Variants in FOXP2 observed in about 807,000 individuals in gnomAD.
FOXP2 encodes the protein forkhead box protein P2.
A neutral mutation model predicts 115.8 loss-of-function variants in FOXP2; 12 were observed. The ratio of observed to expected loss-of-function variants is 0.10; its 90% CI spans 0.07 to 0.17. The LOEUF is 0.17. Ranked by LOEUF, FOXP2 falls within the 10% of genes least tolerant of loss-of-function variation. FOXP2 has a pLI of 1.00. For synonymous variants in FOXP2, 328 were observed against 297.7 expected (o/e 1.10, Z -1.05); for missense variants, 629 against 843.5 (o/e 0.75, Z 3.15).
intron 1 of FOXP2, among the ~76,000 whole-genome samples, chr7:114,145,771 C>T (rs1427718803): frequency 1.3e-5 from 2 of 151,950 alleles, no homozygotes; most frequent in African/African-American, 2.4e-5. Flanking sequence ...TATAGAGAGA[C>T]AATAAAGTTG....
At chr7:114,216,379 A>G (rs1794485551) in intron 1 of FOXP2, among the ~76,000 whole-genome samples, 1 of 152,166 alleles carries the variant, frequency 6.6e-6, no homozygotes, top group African/African-American at 2.4e-5. Context: ...CAATATTTGT[A>G]AGTCACTGCA....
At position 114,198,317 on chromosome 7, in the gene FOXP2, A is replaced by G. The variant is rs535337095; in HGVS notation, c.-102+35229A>G. Among the ~76,000 whole-genome samples the G allele has an allele frequency of 2.6e-5, 4 of 152,282 alleles. No homozygotes were observed. In the South Asian group the frequency reaches 8.3e-4, roughly 32 times the overall value. Reference sequence around the variant, plus strand: ...AGGAGTATTGGAAGTGGTCATAGAAATCATTGAGACCATTTTCTACCTGAT... The same window carrying G: ...AGGAGTATTGGAAGTGGTCATAGAAGTCATTGAGACCATTTTCTACCTGAT... On this transcript the variant is annotated intron_variant, in intron 1 of 17. Transcript: ENST00000634411.
At chr7:114,324,055 CT>C (rs1365585744) in intron 2 of FOXP2, among the ~76,000 whole-genome samples, 3 of 151,878 alleles carry the variant, frequency 2.0e-5, no homozygotes, top group Non-Finnish European at 4.4e-5. Context: ...GATTGTGATT[CT>C]GGCCTCATCA....
intron 2 of FOXP2, among the ~76,000 whole-genome samples, chr7:114,493,767 T>G (rs977426291): frequency 3.3e-5 from 5 of 151,944 alleles, no homozygotes; most frequent in African/African-American, 4.8e-5. Flanking sequence ...AAAGCATCTT[T>G]AATAGATTTG....
intron 1 of FOXP2, among the ~76,000 whole-genome samples, chr7:114,235,910 AT>A (rs1280897884): frequency 6.6e-6 from 1 of 152,182 alleles, no homozygotes; most frequent in Non-Finnish European, 1.5e-5. Context: ...GCATTCTTTG[AT>A]TTCCAACTGG....
intron 3 of FOXP2, among the ~76,000 whole-genome samples, chr7:114,576,919 A>G (rs1290306903): frequency 1.3e-5 from 2 of 151,964 alleles, no homozygotes; most frequent in African/African-American, 2.4e-5. Context: ...TTTAGTGTAT[A>G]AATTTTCAGA....
intron 1 of FOXP2, among the ~76,000 whole-genome samples, chr7:114,155,825 G>T (rs1251329907): frequency 3.3e-5 from 5 of 152,072 alleles, no homozygotes; most frequent in African/African-American, 9.7e-5. Context: ...ATAGAAGAGG[G>T]CCAAGTGGGT....
intron 3 of FOXP2, among the ~76,000 whole-genome samples, chr7:114,615,366 A>G (rs1803880785): frequency 6.6e-6 from 1 of 152,132 alleles, no homozygotes; most frequent in Non-Finnish European, 1.5e-5. Context: ...CTCCTCATAA[A>G]TCTACAATAT....
At chr7:114,327,473 G>A (rs2690838) in intron 2 of FOXP2, among the ~76,000 whole-genome samples, 146,026 of 152,168 alleles carry the variant, frequency 0.96, 70,235 homozygotes, top group East Asian at 1. Flanking sequence ...AGGTCATACT[G>A]CATTTTTTAA....
intron 2 of FOXP2, among the ~76,000 whole-genome samples, chr7:114,530,661 T>C (rs895553917): frequency 2.6e-5 from 4 of 151,908 alleles, no homozygotes; most frequent in Non-Finnish European, 5.9e-5. Context: ...AAAGTATTTA[T>C]CTGGCAGGTT....
chr7:114,094,434 T>C (rs1253294712), intron 1 of FOXP2, among the ~76,000 whole-genome samples: 2 of 152,204 alleles, frequency 1.3e-5, no homozygotes, highest in East Asian at 3.8e-4. Flanking sequence ...CTAAACGTCT[T>C]GAGAATATGA....
At chr7:114,448,859 A>G (rs545502402) in intron 2 of FOXP2, among the ~76,000 whole-genome samples, 1 of 152,286 alleles carries the variant, frequency 6.6e-6, no homozygotes, top group South Asian at 2.1e-4. Flanking sequence ...CTTCTTTCAG[A>G]AACAGAGCAG....
chr7:114,540,225 A>C (rs537435825), intron 3 of FOXP2, among the ~76,000 whole-genome samples: 1 of 151,906 alleles, frequency 6.6e-6, no homozygotes, highest in Non-Finnish European at 1.5e-5. Flanking sequence ...TTCCCCTGCT[A>C]TAGGCTCCCA....
intron 1 of FOXP2, among the ~76,000 whole-genome samples, chr7:114,231,113 G>T (rs1395467418): frequency 6.6e-6 from 1 of 151,840 alleles, no homozygotes; most frequent in South Asian, 2.1e-4. Context: ...ATCTGAAAAT[G>T]AAATTATGAA....
intron 3 of FOXP2, among the ~76,000 whole-genome samples, chr7:114,579,043 A>G (rs1219078351): frequency 1.3e-5 from 2 of 152,158 alleles, no homozygotes; most frequent in African/African-American, 4.8e-5. Context: ...TAGACTATAC[A>G]TTCAAGAAGG....
chr7:114,566,212 A>G (rs1199212561), intron 3 of FOXP2, among the ~76,000 whole-genome samples: 1 of 152,198 alleles, frequency 6.6e-6, no homozygotes, highest in Non-Finnish European at 1.5e-5. Context: ...GATTTGTTTT[A>G]TAACGTGAAG....
chr7:114,288,378 T>C (rs575153583), intron 2 of FOXP2, among the ~76,000 whole-genome samples: 21 of 151,924 alleles, frequency 1.4e-4, no homozygotes, highest in African/African-American at 5.1e-4. Context: ...GGAATATGAA[T>C]TTGGTTTGAA....
intron 2 of FOXP2, among the ~76,000 whole-genome samples, chr7:114,530,818 A>T (rs919772850): frequency 1.3e-4 from 20 of 151,918 alleles, no homozygotes; most frequent in Non-Finnish European, 2.1e-4. Flanking sequence ...AAAATTGCAC[A>T]GTAAGAGTTA....
intron 3 of FOXP2, among the ~76,000 whole-genome samples, chr7:114,545,247 G>A (rs1799858233): frequency 6.6e-6 from 1 of 152,140 alleles, no homozygotes; most frequent in South Asian, 2.1e-4. Context: ...GGCTGAACTA[G>A]TGATACTTCA....
Sources: allele counts gnomAD v4.1 joint callset (sites outside exome capture counted in the v4.1 genomes callset), GRCh38; gene constraint gnomAD v4.1.1; transcripts MANE v1.5; gene names NCBI Gene and HGNC (gene_info 2026-07-23, HGNC 2026-07-21).